Variants in SNAPC1 observed in about 807,000 individuals in gnomAD.
SNAPC1 encodes the protein small nuclear RNA activating complex polypeptide 1, also known as snRNA-activating protein complex subunit 1.
In SNAPC1, 42 loss-of-function variants were observed where a neutral mutation model predicts 50.1. That is an observed-to-expected ratio of 0.84 (90% CI 0.65 to 1.08). The LOEUF is 1.08. Ranked by LOEUF, SNAPC1 falls within the 50% of genes least tolerant of loss-of-function variation. The pLI, the probability that SNAPC1 is intolerant of heterozygous loss-of-function variation, is 0.00. For synonymous variants in SNAPC1, 164 were observed against 144.2 expected, an observed-to-expected ratio of 1.14 and a Z score of -0.98; for missense variants, 477 against 427.3, an observed-to-expected ratio of 1.12 and a Z score of -1.02.
At position 61,782,264 on chromosome 14, in the gene SNAPC1, G is replaced by C; in HGVS notation, c.843G>C (p.Arg281Ser). 1 of 1,599,348 alleles carries C rather than the reference G, an allele frequency of 6.3e-7. No homozygotes were observed. Among genetic ancestry groups the C allele is most frequent in the African/African-American group, 1.3e-5 (1 of 74,220 alleles). Residue 281 changes from arginine to serine, a missense_variant, in exon 8 of 10, where the codon AGG becomes AGC. Arg to Ser is a moderately radical substitution (Grantham distance 110, BLOSUM62 -1). Coordinates refer to ENST00000216294, the MANE Select transcript of SNAPC1 (RefSeq NM_003082.4). ...SVVIQASKSR[R>S]HRQVKLDSSD... is the part of the protein sequence containing the mutation. ...CTCTTAAGGCATCCAAATCAAGAAGGCATCGTCAAGTCAAACTCGACTCTT... is the reference window on the plus strand; with the variant it reads ...CTCTTAAGGCATCCAAATCAAGAAGCCATCGTCAAGTCAAACTCGACTCTT...
chr14:61,769,393 G>GTTTTTTTT (rs766718835), intron 4 of SNAPC1, among the ~76,000 whole-genome samples: 1 of 116,376 alleles, frequency 8.6e-6, no homozygotes, highest in Non-Finnish European at 1.8e-5. Flanking sequence ...ATTTCCTGAG[G>GTTTTTTTT]TTTTTTTTTT....
rs570390981 is a variant in SNAPC1 at position 61,778,508 on chromosome 14, G to A, written c.763-340G>A. 5.3e-5 allele frequency among the ~76,000 whole-genome samples: 8 copies of A among 152,288 alleles called. No homozygotes were observed. The South Asian group carries it at 8.3e-4, about 16-fold the overall frequency. ...TCCAGAGTTTTCATCCATCTTAGTG[G>A]ATGAGACAAGGAGCCATCTTTGAGT... On this transcript the variant is annotated intron_variant, in intron 6 of 9. Coordinates refer to ENST00000216294, the MANE Select transcript of SNAPC1 (RefSeq NM_003082.4).
intron 9 of SNAPC1, among the ~76,000 whole-genome samples, chr14:61,793,263 C>G (rs185378449): frequency 6.6e-6 from 1 of 152,084 alleles, no homozygotes; most frequent in African/African-American, 2.4e-5. Flanking sequence ...GAGACAGGGT[C>G]TTGCTGGGTT....
Position 61,778,062 on chromosome 14 carries a change from G to T in SNAPC1, c.694-10G>T, listed in dbSNP as rs1220914457. 2.7e-6 allele frequency: 4 copies of T among 1,481,052 alleles called. No homozygotes were observed. The highest frequency in any genetic ancestry group is 1.4e-5 in the African/African-American group (1 of 70,824). 91.7% of individuals were successfully genotyped at this position (1,481,052 alleles called of 1,614,324 possible). A position where few individuals can be genotyped will look rare whatever the true frequency, so the allele number is the denominator to read the frequency against. ...GTGTATGTGTGTATGTATCTTTTTT[G>T]CTCTTTTAGAATCCATCCTTAAAGT... On this transcript the variant is annotated splice_polypyrimidine_tract_variant and intron_variant, in intron 5 of 9. Coordinates refer to ENST00000216294, the MANE Select transcript of SNAPC1 (RefSeq NM_003082.4).
chr14:61,786,630 A>G (rs1433033718), intron 8 of SNAPC1, among the ~76,000 whole-genome samples: 1 of 152,190 alleles, frequency 6.6e-6, no homozygotes, highest in Non-Finnish European at 1.5e-5. Flanking sequence ...AGACCCCACA[A>G]AGCAAAACAA....
At chr14:61,774,156 TTTC>T (rs1223790437) in intron 4 of SNAPC1, among the ~76,000 whole-genome samples, 4 of 148,608 alleles carry the variant, frequency 2.7e-5, no homozygotes, top group Admixed American at 6.8e-5. Context: ...CTTATTTAAT[TTTC>T]TTCTTCTTTT....
At chr14:61,777,314 T>A (rs2045041842) in intron 5 of SNAPC1, among the ~76,000 whole-genome samples, 6 of 152,256 alleles carry the variant, frequency 3.9e-5, no homozygotes, top group Admixed American at 3.9e-4. Context: ...TTGGATACTT[T>A]AAGTCCTACA....
At position 61,762,438 on chromosome 14, in the gene SNAPC1, G is replaced by C; in HGVS notation, c.-23G>C. ...GTCCGTTAGAGGCGTGCGGGCTTCG[G>C]AGGCGTGCGGGCTTCGGGTGCCATG... On this transcript the variant is annotated 5_prime_UTR_variant, in exon 1 of 10. Coordinates refer to ENST00000216294, the MANE Select transcript of SNAPC1 (RefSeq NM_003082.4). The C allele has an allele frequency of 1.2e-6, 2 of 1,610,098 alleles. No individual in the cohort carries two copies. The highest frequency in any genetic ancestry group is 1.7e-6 in the Non-Finnish European group (2 of 1,179,646).
chr14:61,765,346 G>A (rs1420728207), intron 1 of SNAPC1, among the ~76,000 whole-genome samples: 1 of 152,156 alleles, frequency 6.6e-6, no homozygotes, highest in Non-Finnish European at 1.5e-5. Context: ...GGTTGAGGAC[G>A]CACCCGTGAC....
intron 1 of SNAPC1, among the ~76,000 whole-genome samples, chr14:61,763,252 A>G (rs2044921606): frequency 6.6e-6 from 1 of 151,610 alleles, no homozygotes. Context: ...CGGCCTCCCA[A>G]AGCGCTAGGA....
chr14:61,785,658 C>T (rs1488824351), intron 8 of SNAPC1, among the ~76,000 whole-genome samples: 1 of 152,136 alleles, frequency 6.6e-6, no homozygotes, highest in Non-Finnish European at 1.5e-5. Flanking sequence ...ATGTGTAAGT[C>T]GTACATTGGT....
rs1044057383 is a variant in SNAPC1 at position 61,782,168 on chromosome 14, G to A, written c.826-79G>A. 8.4e-6 allele frequency: 9 copies of A among 1,075,740 alleles called. No individual in the cohort carries two copies. In the African/African-American group the frequency reaches 1.4e-4, roughly 17 times the overall value. 66.6% of individuals were successfully genotyped at this position (1,075,740 alleles called of 1,614,324 possible). Reference sequence around the variant, plus strand: ...TGTAAATCTTTCCTCATCTTTGATTGTACATTTTGTCTTCCTCTCAATTTT... The same window carrying A: ...TGTAAATCTTTCCTCATCTTTGATTATACATTTTGTCTTCCTCTCAATTTT... On this transcript the variant is annotated intron_variant, in intron 7 of 9. Coordinates refer to ENST00000216294, the MANE Select transcript of SNAPC1 (RefSeq NM_003082.4).
chr14:61,769,899 G>A (rs2044975545), intron 4 of SNAPC1, among the ~76,000 whole-genome samples: 1 of 152,166 alleles, frequency 6.6e-6, no homozygotes, highest in African/African-American at 2.4e-5. Flanking sequence ...CAGGGTTACA[G>A]TATTCCAAAT....
intron 8 of SNAPC1, among the ~76,000 whole-genome samples, chr14:61,785,410 CA>C (rs963783147): frequency 3.5e-5 from 5 of 144,864 alleles, no homozygotes; most frequent in East Asian, 2.0e-4. Flanking sequence ...AATTCTGTCT[CA>C]AAAAAAAAAG....
Position 61,768,122 on chromosome 14 carries a change from C to CT in SNAPC1, c.430-506dup, listed in dbSNP as rs548216227. Among the ~76,000 whole-genome samples, 5 of 152,226 alleles carry CT rather than the reference C, an allele frequency of 3.3e-5. No individual in the cohort carries two copies. The South Asian group carries it at 6.2e-4, about 19-fold the overall frequency. ...AGGAGAAGGTATTTTCTAATTACTA[C>CT]TTTTTTTTCTGCAAGCAAAAATTTA... On this transcript the variant is annotated intron_variant, in intron 3 of 9. Coordinates refer to ENST00000216294, the MANE Select transcript of SNAPC1 (RefSeq NM_003082.4).
intron 8 of SNAPC1, among the ~76,000 whole-genome samples, chr14:61,787,010 G>A (rs2045119321): frequency 6.6e-6 from 1 of 152,214 alleles, no homozygotes; most frequent in Non-Finnish European, 1.5e-5. Flanking sequence ...TGAATTCAGT[G>A]TGCTCTGTGA....
intron 5 of SNAPC1, among the ~76,000 whole-genome samples, chr14:61,776,668 A>G (rs551087469): frequency 6.6e-6 from 1 of 152,312 alleles, no homozygotes; most frequent in South Asian, 2.1e-4. Flanking sequence ...ACTTCACCTA[A>G]AATTCTAGAC....
At chr14:61,771,779 A>G (rs1423403322) in intron 4 of SNAPC1, among the ~76,000 whole-genome samples, 1 of 152,184 alleles carries the variant, frequency 6.6e-6, no homozygotes, top group East Asian at 1.9e-4. Flanking sequence ...AGCAGAAGGC[A>G]TACTTTTTCC....
chr14:61,768,827 A>G, intron 4 of SNAPC1, 87 bp downstream of exon 4: 1 of 660,240 alleles, frequency 1.5e-6, no homozygotes, highest in Non-Finnish European at 2.7e-6. Context: ...TCTACTGGAT[A>G]CTGATTTTTC....
Sources: gnomAD v4.1 joint callset for allele counts (sites outside exome capture counted in the v4.1 genomes callset) on GRCh38, gnomAD v4.1.1 for gene constraint, MANE v1.5 for transcripts, NCBI Gene and HGNC (gene_info 2026-07-23, HGNC 2026-07-21) for gene names.